ZNF540: variants seen among roughly 807,000 people sequenced by gnomAD.
ZNF540 encodes CTD-3064H18.6.
A neutral mutation model predicts 11.8 loss-of-function variants in ZNF540; 3 were observed. The observed-to-expected ratio is 0.25, with a 90% confidence interval of 0.12 to 0.65. The LOEUF (loss-of-function observed/expected upper bound fraction) is 0.65, where lower values mean the gene tolerates loss of function less well. Among genes scored for constraint, ZNF540 ranks in the 30% least tolerant of loss-of-function variants. ZNF540 has a pLI of 0.83. For missense variants in ZNF540, 709 were observed against 793.1 expected (o/e 0.89, Z 1.27); for synonymous variants, 247 against 259.0 (o/e 0.95, Z 0.45).
chr19:37,580,271 A>G (rs2043406117), intron 1 of ZNF540, among the ~76,000 whole-genome samples: 1 of 152,220 alleles, frequency 6.6e-6, no homozygotes, highest in African/African-American at 2.4e-5. Context: ...ATCAATCCTC[A>G]TGATATATAC....
chr19:37,572,433 A>G (rs1040468095), intron 1 of ZNF540, among the ~76,000 whole-genome samples: 1 of 152,242 alleles, frequency 6.6e-6, no homozygotes, highest in Non-Finnish European at 1.5e-5. Flanking sequence ...GACATGAATC[A>G]TCCCTCTGAC....
chr19:37,564,290 T>G (rs1022452752), intron 1 of ZNF540: 1 of 214,136 alleles, frequency 4.7e-6, no homozygotes, highest in African/African-American at 2.3e-5. Flanking sequence ...TAATTATAAT[T>G]TAGTCATTGT....
intron 4 of ZNF540, among the ~76,000 whole-genome samples, chr19:37,609,079 T>A (rs1163868478): frequency 1.3e-5 from 2 of 152,362 alleles, no homozygotes; most frequent in South Asian, 2.1e-4. Context: ...TACTCTGTTC[T>A]CCCTAAAATT....
intron 1 of ZNF540, among the ~76,000 whole-genome samples, chr19:37,582,519 C>T (rs761749847): frequency 3.3e-5 from 5 of 152,154 alleles, no homozygotes; most frequent in Non-Finnish European, 7.3e-5. Context: ...TAAACCAATT[C>T]GCTCCATAAT....
intron 1 of ZNF540, among the ~76,000 whole-genome samples, chr19:37,578,737 T>G (rs770450088): frequency 3.3e-5 from 5 of 151,882 alleles, no homozygotes; most frequent in Non-Finnish European, 7.4e-5. Flanking sequence ...ACCTCCCAGA[T>G]AGCAGACCAT....
At chr19:37,552,980 TA>T (rs1232056138) in intron 1 of ZNF540, among the ~76,000 whole-genome samples, 1 of 146,228 alleles carries the variant, frequency 6.8e-6, no homozygotes. Flanking sequence ...TATGTTCACA[TA>T]GCCATTTTGG....
chr19:37,585,402 T>A (rs747918488), intron 1 of ZNF540: 3 of 152,216 alleles, frequency 2.0e-5, no homozygotes, highest in Non-Finnish European at 4.4e-5. Flanking sequence ...AATTAAAATA[T>A]GCAGACTAAC....
At chr19:37,583,978 G>A in intron 1 of ZNF540, 1 of 1,609,772 alleles carries the variant, frequency 6.2e-7, no homozygotes, top group Non-Finnish European at 8.5e-7. Context: ...TACCCAATGA[G>A]ATCAGGTTGC....
In ZNF540 at chr19:37,612,984, ACAT is replaced by A; in HGVS notation, c.1707_1709del (p.His569del). The stretch of plus-strand genomic sequence containing the variant: ...TTAGTCGGCGTGGGCAGTTCACTGA[ACAT>A]CAGAAAATTCATACGGGTGTAAAAC... On this transcript the variant is annotated inframe_deletion, in exon 5 of 5. Transcript: ENST00000316433. 6.2e-7 allele frequency: 1 copy of A among 1,614,196 alleles called. No homozygotes were observed. The highest frequency in any genetic ancestry group is 8.5e-7 in the Non-Finnish European group (1 of 1,180,018).
chr19:37,605,505 G>A lies in ZNF540; in HGVS notation c.232+4400G>A, dbSNP rs948204009. The stretch of plus-strand genomic sequence containing the variant: ...TCTACTAAAAATACAAAAATTAGCC[G>A]GGTGTGGTGGCGTGTGCCTGTAATC... On this transcript the variant is annotated intron_variant, in intron 4 of 4. Transcript: ENST00000316433. Among the ~76,000 whole-genome samples the A allele has an allele frequency of 4.6e-5, 7 of 152,162 alleles. No individual in the cohort carries two copies. In the South Asian group the frequency reaches 8.3e-4, roughly 18 times the overall value.
chr19:37,586,319 T>G (rs1271350246), intron 1 of ZNF540: 3 of 212,614 alleles, frequency 1.4e-5, no homozygotes, highest in Non-Finnish European at 2.8e-5. Flanking sequence ...AAGATCAAAT[T>G]TTGTCATGTA....
chr19:37,593,200 A>G (rs1462311852), upstream of ZNF540, among the ~76,000 whole-genome samples: 1 of 152,076 alleles, frequency 6.6e-6, no homozygotes. Context: ...ATATATGCTT[A>G]TAAGAGGATA....
chr19:37,611,572 A>G lies in ZNF540; in HGVS notation c.292A>G (p.Ser98Gly). ...LSSEKDIHEI[S>G]LSKESIIEKS... ...TTCAGAAAAGGACATTCATGAAATC[A>G]GTTTATCCAAAGAGAGTATAATAGA... The change falls in exon 5 of 5, where the codon AGT becomes GGT. Residue 98 changes from serine to glycine, a missense_variant. Physicochemically the swap from Ser to Gly is moderately conservative, Grantham distance 56. Coordinates refer to ENST00000316433, the MANE Select transcript of ZNF540 (RefSeq NM_001172225.3). The G allele has an allele frequency of 1.2e-6, 2 of 1,611,040 alleles. No homozygotes were observed. Among genetic ancestry groups the G allele is most frequent in the Non-Finnish European group, 8.5e-7 (1 of 1,179,102 alleles).
chr19:37,586,643 A>C lies in ZNF540; in HGVS notation c.-72-11733A>C, dbSNP rs375249023. The C allele has an allele frequency of 7.1e-5, 114 of 1,613,608 alleles. No homozygotes were observed. In the African/African-American group the frequency reaches 1.4e-3, roughly 20 times the overall value. ...TTACACAACAAAATGATTGTACTTC[A>C]AGAAGGAAAGAAACAGCAACTCACG... On this transcript the variant is annotated intron_variant, in intron 1 of 4. Coordinates refer to the ZNF540 transcript ENST00000592533.
chr19:37,585,913 T>C (rs759001135), intron 1 of ZNF540: 3 of 152,194 alleles, frequency 2.0e-5, no homozygotes, highest in Non-Finnish European at 4.4e-5. Flanking sequence ...CAAAATGTGA[T>C]TGCTGGCTTT....
At chr19:37,598,253 G>A in intron 1 of ZNF540, 123 bp from the exon 2 acceptor site, 1 of 590,642 alleles carries the variant, frequency 1.7e-6, no homozygotes, top group Non-Finnish European at 3.1e-6. Flanking sequence ...AGGGAGGTGA[G>A]GGAAGTGTAG....
At position 37,598,364 on chromosome 19, in the gene ZNF540, C is replaced by G; in HGVS notation, c.-72-12C>G. 3 of 1,450,208 alleles carry G rather than the reference C, an allele frequency of 2.1e-6. No individual in the cohort carries two copies. The highest frequency in any genetic ancestry group is 2.9e-6 in the Non-Finnish European group (3 of 1,042,384). The allele number at this position is 1,450,208 out of a possible 1,614,324, so 89.8% of individuals were successfully genotyped here. A position where few individuals can be genotyped will look rare whatever the true frequency, so the allele number is the denominator to read the frequency against. On this transcript the variant is annotated splice_polypyrimidine_tract_variant and intron_variant, in intron 1 of 4. Transcript: ENST00000316433. ...TAGTCTCACTGTCTCATTTTTTTCT[C>G]CTCTAACTCAGGCTTCTCAGAACTT...
In ZNF540 at chr19:37,558,394, C is replaced by T. The variant is rs756575594; in HGVS notation, c.-73+6729C>T. Among the ~76,000 whole-genome samples the T allele has an allele frequency of 3.4e-4, 51 of 152,188 alleles. No homozygotes were observed. The Middle Eastern group carries it at 0.014, about 41-fold the overall frequency. On this transcript the variant is annotated intron_variant, in intron 1 of 4. Coordinates refer to the ZNF540 transcript ENST00000592533. ...GCCAAATTAAGAGCATGGCTATTTT[C>T]GGGGGCCGCTGGGTCAAAAGGGGTG... is the stretch of plus-strand genomic sequence containing the variant.
chr19:37,596,727 C>A (rs1401218686), intron 1 of ZNF540, among the ~76,000 whole-genome samples: 1 of 152,116 alleles, frequency 6.6e-6, no homozygotes, highest in Non-Finnish European at 1.5e-5. Context: ...ATATAAATTT[C>A]TAATTTACCC....
Sources: allele counts gnomAD v4.1 joint callset (sites outside exome capture counted in the v4.1 genomes callset), GRCh38; gene constraint gnomAD v4.1.1; transcripts MANE v1.5; gene names NCBI Gene and HGNC (gene_info 2026-07-23, HGNC 2026-07-21).